Variants in PTGER3 observed in about 807,000 individuals in gnomAD.
PTGER3 encodes prostaglandin E receptor 3.
A neutral mutation model predicts 34.7 loss-of-function variants in PTGER3; 22 were observed. That is an observed-to-expected ratio of 0.63 (90% CI 0.45 to 0.91). The LOEUF (loss-of-function observed/expected upper bound fraction) is 0.91, where lower values mean the gene tolerates loss of function less well. PTGER3 is among the 40% of genes least tolerant of loss of function. The pLI is 0.00. For missense variants in PTGER3, 468 were observed against 519.4 expected, an observed-to-expected ratio of 0.90 and a Z score of 0.96; for synonymous variants, 241 against 230.1, an observed-to-expected ratio of 1.05 and a Z score of -0.43.
At chr1:71,030,134 G>C (rs543876360) in intron 1 of PTGER3, among the ~76,000 whole-genome samples, 18 of 151,926 alleles carry the variant, frequency 1.2e-4, no homozygotes, top group Admixed American at 2.6e-4. Flanking sequence ...AGGATGCTGG[G>C]GTAGGGATGG....
chr1:70,892,837 C>CAAAAAAAAAAAA (rs1176220550), intron 4 of PTGER3, among the ~76,000 whole-genome samples: 1 of 47,914 alleles, frequency 2.1e-5, no homozygotes, highest in African/African-American at 6.1e-5. Context: ...CAAGACTCCT[C>CAAAAAAAAAAAA]AAAAAAAAAA....
At chr1:70,863,650 AG>A (rs1240050797) in intron 4 of PTGER3, among the ~76,000 whole-genome samples, 1 of 152,190 alleles carries the variant, frequency 6.6e-6, no homozygotes, top group Non-Finnish European at 1.5e-5. Flanking sequence ...GTAATAGACT[AG>A]AATAGAAAAT....
intron 2 of PTGER3, among the ~76,000 whole-genome samples, chr1:70,978,276 A>C (rs567779203): frequency 6.6e-6 from 1 of 152,148 alleles, no homozygotes; most frequent in African/African-American, 2.4e-5. Context: ...GGCTAGATAT[A>C]CCTGTATTGC....
At chr1:70,972,859 C>A in intron 3 of PTGER3, among the ~76,000 whole-genome samples, 1 of 152,102 alleles carries the variant, frequency 6.6e-6, no homozygotes, top group Non-Finnish European at 1.5e-5. Flanking sequence ...TAACATGATA[C>A]TGAATTTTTA....
At chr1:70,932,014 C>T (rs1272630465) in intron 4 of PTGER3, among the ~76,000 whole-genome samples, 1 of 152,166 alleles carries the variant, frequency 6.6e-6, no homozygotes, top group African/African-American at 2.4e-5. Flanking sequence ...ATGCTTTAAA[C>T]AGCACCCAAG....
chr1:70,978,867 T>C (rs1557706043), intron 2 of PTGER3, among the ~76,000 whole-genome samples: 1 of 152,124 alleles, frequency 6.6e-6, no homozygotes, highest in Non-Finnish European at 1.5e-5. Flanking sequence ...TCCAACTCTT[T>C]TATTTACAGA....
intron 4 of PTGER3, among the ~76,000 whole-genome samples, chr1:70,918,039 A>T (rs1241350693): frequency 6.6e-6 from 1 of 152,010 alleles, no homozygotes; most frequent in Non-Finnish European, 1.5e-5. Context: ...ACTGGCATAA[A>T]ACCACACATA....
intron 2 of PTGER3, among the ~76,000 whole-genome samples, chr1:70,989,736 A>G (rs1056634079): frequency 1.3e-5 from 2 of 152,164 alleles, no homozygotes; most frequent in African/African-American, 4.8e-5. Flanking sequence ...AATTTCTTCA[A>G]CCCAGAATCA....
chr1:70,863,320 T>C (rs1001330829), intron 4 of PTGER3, among the ~76,000 whole-genome samples: 8 of 152,146 alleles, frequency 5.3e-5, no homozygotes, highest in Non-Finnish European at 1.2e-4. Flanking sequence ...TCAAGATGTA[T>C]TACTAAGCAT....
At chr1:70,947,522 G>A (rs1650329672), downstream of PTGER3, 1 of 152,194 alleles carries the variant, frequency 6.6e-6, no homozygotes, top group Non-Finnish European at 1.5e-5. Flanking sequence ...GATTGGGTAT[G>A]TCTTTTTCAG....
intron 2 of PTGER3, chr1:71,011,261 A>T (rs1376619882): frequency 1.0e-6 from 1 of 985,214 alleles, no homozygotes; most frequent in East Asian, 1.1e-4. Flanking sequence ...TGAAGGGTCA[A>T]TGTTATTAAC....
intron 1 of PTGER3, among the ~76,000 whole-genome samples, chr1:71,017,640 G>C (rs1255739310): frequency 6.6e-6 from 1 of 152,132 alleles, no homozygotes; most frequent in Admixed American, 6.6e-5. Context: ...TTGTTTAAAA[G>C]TGTGTAACAC....
intron 1 of PTGER3, among the ~76,000 whole-genome samples, chr1:71,035,500 C>A (rs1281557726): frequency 6.6e-6 from 1 of 152,216 alleles, no homozygotes; most frequent in East Asian, 1.9e-4. Flanking sequence ...TTTAAAGCAA[C>A]ATTTAAGGAA....
At chr1:70,862,684 T>C (rs1645953034) in intron 4 of PTGER3, among the ~76,000 whole-genome samples, 1 of 152,150 alleles carries the variant, frequency 6.6e-6, no homozygotes, top group Non-Finnish European at 1.5e-5. Context: ...CAAAGCTTTT[T>C]GTTTTTAATG....
At position 71,025,114 on chromosome 1, in the gene PTGER3, C is replaced by A. The variant is rs142927747; in HGVS notation, c.898-12630G>T. 9.2e-3 allele frequency among the ~76,000 whole-genome samples: 1,084 copies of A among 117,562 alleles called. 22 individuals carry two copies. Among genetic ancestry groups the A allele is most frequent in the African/African-American group, 0.038 (1,040 of 27,622 alleles). The allele number at this position is 117,562 out of a possible 152,430, so 77.1% of individuals were successfully genotyped here. On this transcript the variant is annotated intron_variant, in intron 1 of 3. Coordinates refer to ENST00000306666, the MANE Select transcript of PTGER3 (RefSeq NM_198719.2). The stretch of plus-strand genomic sequence containing the variant: ...ACAGGAAGGGGAACATCATTCAATC[C>A]TTTTCAAGATTCCAGGCCCTTCCTT...
At chr1:71,040,189 G>GGGAAA (rs1298785487) in intron 1 of PTGER3, among the ~76,000 whole-genome samples, 8 of 151,344 alleles carry the variant, frequency 5.3e-5, no homozygotes, top group Admixed American at 3.3e-4. Context: ...GGGAAGGGAA[G>GGGAAA]GGAAAGGAAA....
intron 2 of PTGER3, chr1:71,010,687 T>G: frequency 3.0e-6 from 3 of 983,894 alleles, no homozygotes; most frequent in Non-Finnish European, 3.6e-6. Context: ...ATAGAGAGAT[T>G]TTAGTATAGT....
chr1:70,852,840 T>C (rs1458776545), exon 5 of PTGER3: 1 of 1,613,664 alleles, frequency 6.2e-7, no homozygotes, highest in South Asian at 1.1e-5. Flanking sequence ...AGGCAGGTTT[T>C]AATTTCCCCA....
rs192159869 is a variant in PTGER3 at position 70,881,041 on chromosome 1, A to G, written c.*24-28182T>C. Among the ~76,000 whole-genome samples, 174 of 152,334 alleles carry G rather than the reference A, an allele frequency of 1.1e-3. 2 individuals carry two copies. The highest frequency in any genetic ancestry group is 2.6e-4 in the Non-Finnish European group (18 of 68,024). ...TTCTCTCCCTTTCCTTGGGATGCCAATGAATTATAGATTTGGTCTCTTGGT... is the reference window on the plus strand; with the variant it reads ...TTCTCTCCCTTTCCTTGGGATGCCAGTGAATTATAGATTTGGTCTCTTGGT... On this transcript the variant is annotated intron_variant, in intron 4 of 4. Transcript: ENST00000370931.
Sources: allele counts gnomAD v4.1 joint callset (sites outside exome capture counted in the v4.1 genomes callset), GRCh38; gene constraint gnomAD v4.1.1; transcripts MANE v1.5; gene names NCBI Gene and HGNC (gene_info 2026-07-23, HGNC 2026-07-21).